The following RHOBTB3 variants were observed in gnomAD, a reference collection of about 807,000 sequenced individuals.
RHOBTB3 encodes the protein rho-related BTB domain-containing protein 3.
In RHOBTB3, 47 loss-of-function variants were observed where a neutral mutation model predicts 67.2. The ratio of observed to expected loss-of-function variants is 0.70; its 90% confidence interval spans 0.55 to 0.89. The LOEUF is 0.89. Ranked by LOEUF, RHOBTB3 falls within the 40% of genes least tolerant of loss-of-function variation. The pLI is 0.00. For synonymous variants in RHOBTB3, 273 were observed against 274.2 expected (o/e 1.00, Z 0.04); for missense variants, 631 against 750.0 (o/e 0.84, Z 1.85).
At chr5:95,736,684 G>T (rs1309245746) in intron 2 of RHOBTB3, among the ~76,000 whole-genome samples, 1 of 152,170 alleles carries the variant, frequency 6.6e-6, no homozygotes, top group African/African-American at 2.4e-5. Context: ...AGGTTCTCCT[G>T]TTTAACCATT....
intron 10 of RHOBTB3, among the ~76,000 whole-genome samples, chr5:95,785,832 G>A (rs983725197): frequency 6.6e-6 from 1 of 151,924 alleles, no homozygotes; most frequent in Non-Finnish European, 1.5e-5. Flanking sequence ...TTCTTAAATT[G>A]TTTATGTATA....
At chr5:95,774,241 A>C (rs1241264048) in intron 8 of RHOBTB3, among the ~76,000 whole-genome samples, 1 of 152,210 alleles carries the variant, frequency 6.6e-6, no homozygotes, top group African/African-American at 2.4e-5. Flanking sequence ...ATAAAGATGC[A>C]AAAAATAAAA....
At chr5:95,747,791 A>G (rs764532414) in intron 3 of RHOBTB3, among the ~76,000 whole-genome samples, 3 of 152,246 alleles carry the variant, frequency 2.0e-5, no homozygotes, top group African/African-American at 4.8e-5. Context: ...AAATGTCTGA[A>G]TTAATAGGAA....
At chr5:95,739,482 T>C (rs1755541768) in intron 3 of RHOBTB3, among the ~76,000 whole-genome samples, 1 of 152,182 alleles carries the variant, frequency 6.6e-6, no homozygotes, top group South Asian at 2.1e-4. Context: ...AAAGTAAATA[T>C]TTAGAATGAT....
upstream of RHOBTB3, among the ~76,000 whole-genome samples, chr5:95,727,940 G>T (rs986705122): frequency 6.6e-6 from 1 of 152,186 alleles, no homozygotes; most frequent in Admixed American, 6.5e-5. Flanking sequence ...TCAAGGACTG[G>T]TTCCACACTG....
At chr5:95,770,751 G>T in intron 8 of RHOBTB3, 1 of 319,950 alleles carries the variant, frequency 3.1e-6, no homozygotes, top group Non-Finnish European at 6.4e-6. Flanking sequence ...GTGATAGGAA[G>T]CTCAAGGCAG....
At chr5:95,774,209 TTGTAGGACAG>T (rs2112821961) in intron 8 of RHOBTB3, among the ~76,000 whole-genome samples, 1 of 152,260 alleles carries the variant, frequency 6.6e-6, no homozygotes, top group East Asian at 1.9e-4. Context: ...TAAGTGCTCA[TTGTAGGACAG>T]TCAGATAATA....
chr5:95,723,777 T>C (rs1754967525), intron 1 of RHOBTB3, among the ~76,000 whole-genome samples: 1 of 152,196 alleles, frequency 6.6e-6, no homozygotes, highest in Non-Finnish European at 1.5e-5. Context: ...TGCTGTGTTC[T>C]GCATCCTGGC....
chr5:95,747,207 C>T (rs528522926), intron 3 of RHOBTB3, among the ~76,000 whole-genome samples: 1 of 152,314 alleles, frequency 6.6e-6, no homozygotes, highest in South Asian at 2.1e-4. Context: ...AGCTCAGCTA[C>T]CTCCTTTCCC....
chr5:95,722,615 A>C (rs1754920772), intron 1 of RHOBTB3, among the ~76,000 whole-genome samples: 1 of 152,064 alleles, frequency 6.6e-6, no homozygotes, highest in Non-Finnish European at 1.5e-5. Flanking sequence ...TCAGCCTCCC[A>C]AGTAGCTGGG....
At chr5:95,778,892 G>C (rs1745969436) in intron 8 of RHOBTB3, among the ~76,000 whole-genome samples, 2 of 152,200 alleles carry the variant, frequency 1.3e-5, no homozygotes. Flanking sequence ...TGACTGGGTG[G>C]GAGGGCTTCC....
rs111970102 is a variant in RHOBTB3, at chr5:95,763,237, G to A, written c.1049-271G>A. Among the ~76,000 whole-genome samples the A allele has an allele frequency of 1.9e-3, 287 of 152,292 alleles. 3 individuals are homozygous for A. Among genetic ancestry groups the A allele is most frequent in the Middle Eastern group, 6.8e-3 (2 of 294 alleles). Reference sequence around the variant, plus strand: ...CATGGGAACTCATATTCTGACCATTGCTGTTATCACTAGCTGCCCACCTAT... The same window carrying A: ...CATGGGAACTCATATTCTGACCATTACTGTTATCACTAGCTGCCCACCTAT... On this transcript the variant is annotated intron_variant, in intron 6 of 11. Coordinates refer to ENST00000379982, the MANE Select transcript of RHOBTB3 (RefSeq NM_014899.4).
intron 2 of RHOBTB3, among the ~76,000 whole-genome samples, chr5:95,736,532 G>T (rs772963481): frequency 6.6e-6 from 1 of 152,208 alleles, no homozygotes; most frequent in Non-Finnish European, 1.5e-5. Context: ...TCATACTGTT[G>T]CTCTTCCATC....
chr5:95,792,450 A>G (rs984310198), intron 11 of RHOBTB3, among the ~76,000 whole-genome samples: 1 of 149,388 alleles, frequency 6.7e-6, no homozygotes, highest in Non-Finnish European at 1.5e-5. Context: ...TTATAAATGG[A>G]AAAAAAAAAT....
rs1257256634 is a variant in RHOBTB3, at chr5:95,755,654, T to A, written c.941T>A (p.Phe314Tyr). 6.2e-7 allele frequency: 1 copy of A among 1,614,074 alleles called. No individual in the cohort carries two copies. Among genetic ancestry groups the A allele is most frequent in the Non-Finnish European group, 8.5e-7 (1 of 1,180,042 alleles). The change falls in exon 6 of 12, where the codon TTT becomes TAT. Residue 314 changes from phenylalanine to tyrosine, a missense_variant. By Grantham distance (22) the Phe-to-Tyr change is conservative. Coordinates refer to ENST00000379982, the MANE Select transcript of RHOBTB3 (RefSeq NM_014899.4). ...DLFAINRDTA[F>Y]PGASHESSGN... is the part of the protein sequence containing the mutation. ...TTTGCTATAAACAGAGATACTGCAT[T>A]TCCAGGTGCTAGCCATGAATCTTCA... is the stretch of plus-strand genomic sequence containing the variant.
chr5:95,784,340 G>A (rs1015956529), intron 10 of RHOBTB3, among the ~76,000 whole-genome samples: 2 of 152,172 alleles, frequency 1.3e-5, no homozygotes, highest in African/African-American at 4.8e-5. Flanking sequence ...GACAGAATTG[G>A]TCCATATATA....
intron 3 of RHOBTB3, among the ~76,000 whole-genome samples, chr5:95,741,078 C>G (rs1410767515): frequency 6.6e-6 from 1 of 152,078 alleles, no homozygotes; most frequent in African/African-American, 2.4e-5. Flanking sequence ...CCTGTAATCC[C>G]AGCACTTTGG....
intron 2 of RHOBTB3, among the ~76,000 whole-genome samples, chr5:95,735,836 C>T (rs1357072216): frequency 3.3e-5 from 5 of 152,208 alleles, no homozygotes; most frequent in Admixed American, 6.5e-5. Flanking sequence ...CACGGTGGCT[C>T]ATGCCTGTAA....
upstream of RHOBTB3, among the ~76,000 whole-genome samples, chr5:95,728,529 ACTTTGTACCTATCTCTTTTACTGACTGC>A (rs1230149991): frequency 7.2e-5 from 11 of 152,172 alleles, no homozygotes; most frequent in African/African-American, 1.9e-4. Context: ...CTTATCTTTT[ACTTTGTACCTATCTCTTTTACTGACTGC>A]CTTTGTACCT....
Sources: allele counts gnomAD v4.1 joint callset (sites outside exome capture counted in the v4.1 genomes callset), GRCh38; gene constraint gnomAD v4.1.1; transcripts MANE v1.5; gene names NCBI Gene and HGNC (gene_info 2026-07-23, HGNC 2026-07-21).